Variants in EXOC6B observed in about 807,000 individuals in gnomAD.
EXOC6B encodes exocyst complex component 6B, also known as SEC15 homolog B.
A neutral mutation model predicts 113.5 loss-of-function variants in EXOC6B; 54 were observed. That is an observed-to-expected ratio of 0.48 (90% CI 0.38 to 0.60). The LOEUF is 0.60. Ranked by LOEUF, EXOC6B falls within the 20% of genes least tolerant of loss-of-function variation. The pLI, the probability that EXOC6B is intolerant of heterozygous loss-of-function variation, is 0.00. For missense variants in EXOC6B, 797 were observed against 977.5 expected, an observed-to-expected ratio of 0.82 and a Z score of 2.46; for synonymous variants, 357 against 339.0, an observed-to-expected ratio of 1.05 and a Z score of -0.58.
intron 20 of EXOC6B, among the ~76,000 whole-genome samples, chr2:72,189,692 AT>A (rs1456318347): frequency 8.6e-5 from 13 of 151,496 alleles, no homozygotes; most frequent in African/African-American, 3.2e-4. Context: ...CTATCTATCC[AT>A]TTGTTATTGG....
In EXOC6B at chr2:72,825,922, G is replaced by T. The variant is rs754832856; in HGVS notation, c.-12C>A. 6.2e-7 allele frequency: 1 copy of T among 1,610,606 alleles called. No homozygotes were observed. The highest frequency in any genetic ancestry group is 8.5e-7 in the Non-Finnish European group (1 of 1,179,054). The stretch of plus-strand genomic sequence containing the variant: ...TTACCCCGCTCCATAGACTGGGGGC[G>T]CCCCGCAGCGCGTCCCCTCCGTCGG... On this transcript the variant is annotated 5_prime_UTR_variant, in exon 1 of 22. Coordinates refer to ENST00000272427, the MANE Select transcript of EXOC6B (RefSeq NM_015189.3). The surrounding 1 kb of genome is among the most constrained non-coding windows in gnomAD (Gnocchi z 4.4).
At chr2:72,187,393 G>A (rs2104251394) in intron 20 of EXOC6B, among the ~76,000 whole-genome samples, 1 of 152,070 alleles carries the variant, frequency 6.6e-6, no homozygotes, top group Admixed American at 6.5e-5. Flanking sequence ...TGGGTCTCAA[G>A]TTCTTTTCCT....
intron 1 of EXOC6B, among the ~76,000 whole-genome samples, chr2:72,795,620 A>G (rs1173267316): frequency 6.6e-6 from 1 of 152,138 alleles, no homozygotes; most frequent in Admixed American, 6.6e-5. Flanking sequence ...GAATGACAAA[A>G]AAACTGCCCC....
At chr2:72,424,482 C>T (rs1186407030) in intron 18 of EXOC6B, among the ~76,000 whole-genome samples, 1 of 151,772 alleles carries the variant, frequency 6.6e-6, no homozygotes, top group Non-Finnish European at 1.5e-5. Context: ...TCTTCATTTC[C>T]CCAACTAATG....
intron 20 of EXOC6B, among the ~76,000 whole-genome samples, chr2:72,317,375 C>T (rs141639340): frequency 1.4e-4 from 21 of 152,032 alleles, no homozygotes; most frequent in African/African-American, 5.1e-4. Flanking sequence ...CCTATCATTT[C>T]ATCAAGCAGG....
rs1678849805 is a variant in EXOC6B, at chr2:72,191,784, T to C, written c.2197-7597A>G. Reference sequence around the variant, plus strand: ...ATTATTAGGATAAAGCAGGACTCTGTTGATCCTTGTTAGTGCACACAAATA... The same window carrying C: ...ATTATTAGGATAAAGCAGGACTCTGCTGATCCTTGTTAGTGCACACAAATA... On this transcript the variant is annotated intron_variant, in intron 20 of 21. Transcript: ENST00000272427. Among the ~76,000 whole-genome samples the C allele has an allele frequency of 5.9e-5, 9 of 152,320 alleles. 1 individual carries two copies. In the South Asian group the frequency reaches 1.9e-3, roughly 32 times the overall value.
intron 7 of EXOC6B, among the ~76,000 whole-genome samples, chr2:72,562,555 T>A (rs1157119624): frequency 6.6e-6 from 1 of 152,130 alleles, no homozygotes; most frequent in South Asian, 2.1e-4. Flanking sequence ...ATGGTTTCTG[T>A]CTCCTAACAA....
intron 20 of EXOC6B, among the ~76,000 whole-genome samples, chr2:72,329,238 C>T (rs1045354201): frequency 6.6e-6 from 1 of 152,070 alleles, no homozygotes; most frequent in Admixed American, 6.6e-5. Context: ...TCCCAAAACC[C>T]AAGTTATATT....
intron 20 of EXOC6B, among the ~76,000 whole-genome samples, chr2:72,236,619 G>A (rs1681973928): frequency 6.6e-6 from 1 of 152,242 alleles, no homozygotes; most frequent in African/African-American, 2.4e-5. Flanking sequence ...GGCCCATGAT[G>A]ATTCAATCAA....
chr2:72,559,562 T>C (rs766044642), intron 7 of EXOC6B, 41 bp from the exon 8 acceptor site: 1 of 1,544,764 alleles, frequency 6.5e-7, no homozygotes, highest in Non-Finnish European at 8.9e-7. Context: ...CAAACAAAGC[T>C]ATTAAAAGCA....
chr2:72,323,841 G>A (rs1687982172), intron 20 of EXOC6B, among the ~76,000 whole-genome samples: 1 of 151,812 alleles, frequency 6.6e-6, no homozygotes. Context: ...GTTGGGGGTG[G>A]GGGGCTAGGG....
At chr2:72,424,899 G>A (rs1695113211) in intron 18 of EXOC6B, among the ~76,000 whole-genome samples, 1 of 152,120 alleles carries the variant, frequency 6.6e-6, no homozygotes, top group East Asian at 1.9e-4. Flanking sequence ...GTAAACATGT[G>A]TCATGGGGGT....
chr2:72,465,105 A>C (rs757442879), intron 18 of EXOC6B, 55 bp downstream of exon 18: 1 of 1,461,352 alleles, frequency 6.8e-7, no homozygotes, highest in African/African-American at 1.5e-5. Context: ...CACCAAACTA[A>C]ATTATAAGGA....
intron 8 of EXOC6B, among the ~76,000 whole-genome samples, chr2:72,519,250 G>A (rs937469461): frequency 2.6e-5 from 4 of 152,040 alleles, no homozygotes; most frequent in Admixed American, 2.0e-4. Flanking sequence ...TATTGTAAAC[G>A]GGTGTCATTT....
intron 19 of EXOC6B, among the ~76,000 whole-genome samples, chr2:72,375,096 A>C (rs998350488): frequency 2.0e-5 from 3 of 152,108 alleles, no homozygotes; most frequent in Non-Finnish European, 2.9e-5. Context: ...ATTTCATCAT[A>C]ATAATAATCA....
At position 72,575,516 on chromosome 2, in the gene EXOC6B, A is replaced by C; in HGVS notation, c.822T>G (p.Val274=). The C allele has an allele frequency of 1.2e-6, 2 of 1,605,908 alleles. No homozygotes were observed. Among genetic ancestry groups the C allele is most frequent in the South Asian group, 2.2e-5 (2 of 88,960 alleles). Residue 274 remains valine, a synonymous_variant, in exon 7 of 22, where the codon GTT becomes GTG. Transcript: ENST00000272427. ...CCTCTTCATCATCTTCCTCGTCTTCAACATCCAGAATTCCTGAATCCTGTT... is the reference window on the plus strand; with the variant it reads ...CCTCTTCATCATCTTCCTCGTCTTCCACATCCAGAATTCCTGAATCCTGTT... The part of the protein sequence containing the change: ...KSEQDSGILD[V]EDEEDDEEVP...
At position 72,401,544 on chromosome 2, in the gene EXOC6B, T is replaced by TAC. The variant is rs1693213468; in HGVS notation, c.1981-21675_1981-21674insGT. ...ATATACATATATATATATATATATA[T>TAC]GTGTATATATATATATATATACATA... On this transcript the variant is annotated intron_variant, in intron 18 of 21. Transcript: ENST00000272427. 2.8e-4 allele frequency among the ~76,000 whole-genome samples: 4 copies of TAC among 14,418 alleles called. 1 individual carries two copies. The highest frequency in any genetic ancestry group is 9.3e-4 in the African/African-American group (2 of 2,142). The allele number at this position is 14,418 out of a possible 152,430, so 9.5% of individuals were successfully genotyped here. A position where few individuals can be genotyped will look rare whatever the true frequency, so the allele number is the denominator to read the frequency against.
intron 1 of EXOC6B, among the ~76,000 whole-genome samples, chr2:72,804,801 T>A (rs1417151860): frequency 6.6e-6 from 1 of 152,066 alleles, no homozygotes; most frequent in African/African-American, 2.4e-5. Context: ...TTTCACCATG[T>A]TGGCCAGGCT....
intron 19 of EXOC6B, among the ~76,000 whole-genome samples, chr2:72,367,741 G>A (rs1436449328): frequency 6.6e-6 from 1 of 152,180 alleles, no homozygotes; most frequent in Non-Finnish European, 1.5e-5. Context: ...GAGGGAGAGT[G>A]CAGCAACTGG....
Sources: allele counts gnomAD v4.1 joint callset (sites outside exome capture counted in the v4.1 genomes callset), GRCh38; gene constraint gnomAD v4.1.1; non-coding constraint Gnocchi (gnomAD v3.1); transcripts MANE v1.5; gene names NCBI Gene and HGNC (gene_info 2026-07-23, HGNC 2026-07-21).